Variants in CD276 observed in about 807,000 individuals in gnomAD.
CD276 encodes the protein CD276 antigen.
Under a neutral mutation model 50.0 loss-of-function variants are expected in CD276, and 34 were observed. The ratio of observed to expected loss-of-function variants is 0.68; its 90% CI spans 0.52 to 0.91. The LOEUF (loss-of-function observed/expected upper bound fraction) is 0.91. Among genes scored for constraint, CD276 ranks in the 40% least tolerant of loss-of-function variants. The pLI, the probability that CD276 is intolerant of heterozygous loss-of-function variation, is 0.00. For missense variants in CD276, 634 were observed against 717.5 expected (o/e 0.88, Z 1.33); for synonymous variants, 275 against 313.0 (o/e 0.88, Z 1.28).
At chr15:73,696,655 G>A (rs2141550922) in intron 1 of CD276, among the ~76,000 whole-genome samples, 1 of 152,296 alleles carries the variant, frequency 6.6e-6, no homozygotes, top group Non-Finnish European at 1.5e-5. Flanking sequence ...GTCTGATCAG[G>A]GGAGGTGCCC....
chr15:73,704,388 G>T lies in CD276; in HGVS notation c.1285G>T (p.Val429Leu). The change falls in exon 6 of 10, where the codon GTG (valine) becomes TTG (leucine). Residue 429 changes from valine to leucine, a missense_variant. Physicochemically the swap from Val to Leu is conservative, Grantham distance 32. Transcript: ENST00000318443. This position sits in a 1 kb window ranked among gnomAD's most constrained non-coding sequence, Gnocchi z 4.1. ...TGATGTGCACAGCGTCCTGCGGGTG[G>T]TGCTGGGTGCGAATGGCACCTACAG... ...LFDVHSVLRV[V>L]LGANGTYSCL... is the part of the protein sequence containing the mutation. 6.2e-7 allele frequency: 1 copy of T among 1,614,118 alleles called. No homozygotes were observed. The highest frequency in any genetic ancestry group is 8.5e-7 in the Non-Finnish European group (1 of 1,180,052).
rs539251814 is a variant in CD276, at chr15:73,708,221, C to T, written c.1370-118C>T. Reference sequence around the variant, plus strand: ...TGTAGGAACTTAAGTGAGCTTTATTCATAGTGTTAGGGCCCAGTGAGGGTG... The same window carrying T: ...TGTAGGAACTTAAGTGAGCTTTATTTATAGTGTTAGGGCCCAGTGAGGGTG... On this transcript the variant is annotated intron_variant, in intron 6 of 9. Coordinates refer to ENST00000318443, the MANE Select transcript of CD276 (RefSeq NM_001024736.2). 44 of 1,081,604 alleles carry T rather than the reference C, an allele frequency of 4.1e-5. No homozygotes were observed. The East Asian group carries it at 1.0e-3, about 26-fold the overall frequency. 67.0% of individuals were successfully genotyped at this position (1,081,604 alleles called of 1,614,324 possible).
intron 1 of CD276, chr15:73,690,662 T>A: frequency 2.2e-6 from 1 of 455,890 alleles, no homozygotes; most frequent in Non-Finnish European, 4.4e-6. Flanking sequence ...ATCTCTTCAC[T>A]TCTTACAGGC....
chr15:73,712,618 A>G (rs1356591806), intron 9 of CD276, among the ~76,000 whole-genome samples: 1 of 152,176 alleles, frequency 6.6e-6, no homozygotes, highest in Non-Finnish European at 1.5e-5. Flanking sequence ...GACAAACAGG[A>G]GATGAGAAGG....
chr15:73,686,266 TC>T, intron 1 of CD276: 1 of 984,782 alleles, frequency 1.0e-6, no homozygotes, highest in Non-Finnish European at 1.2e-6. Context: ...TCCAGCTTAC[TC>T]TAGACTCCTG....
In CD276 at chr15:73,713,284, T is replaced by G. The variant is rs1358580772; in HGVS notation, c.*328T>G. 3 of 350,158 alleles carry G rather than the reference T, an allele frequency of 8.6e-6. No homozygotes were observed. The South Asian group carries it at 1.4e-4, about 16-fold the overall frequency. 21.7% of individuals were successfully genotyped at this position (350,158 alleles called of 1,614,324 possible). On this transcript the variant is annotated 3_prime_UTR_variant, in exon 10 of 10. Coordinates refer to ENST00000318443, the MANE Select transcript of CD276 (RefSeq NM_001024736.2). ...CACTGACCACATCACCACCCTCTTCTTCCAGTGCTGCGTGGACCATCTGGC... is the reference window on the plus strand; with the variant it reads ...CACTGACCACATCACCACCCTCTTCGTCCAGTGCTGCGTGGACCATCTGGC...
chr15:73,703,081 C>A lies in CD276; in HGVS notation c.728C>A (p.Pro243His). The part of the protein sequence containing the change: ...SSVTITPQRS[P>H]TGAVEVQVPE... Reference sequence around the variant, plus strand: ...GTCACCATCACACCCCAGAGAAGCCCCACAGGTTGCTTTGCTTAAATGTCC... The same window carrying A: ...GTCACCATCACACCCCAGAGAAGCCACACAGGTTGCTTTGCTTAAATGTCC... The change falls in exon 4 of 10, where the codon CCC (proline) becomes CAC (histidine). Residue 243 changes from proline to histidine, a missense_variant. Pro to His is a moderately conservative substitution (Grantham distance 77). Coordinates refer to ENST00000318443, the MANE Select transcript of CD276 (RefSeq NM_001024736.2). 1 of 1,592,514 alleles carries A rather than the reference C, an allele frequency of 6.3e-7. No homozygotes were observed. The highest frequency in any genetic ancestry group is 2.3e-5 in the East Asian group (1 of 43,774).
intron 1 of CD276, among the ~76,000 whole-genome samples, chr15:73,690,138 C>T (rs1899931627): frequency 6.6e-6 from 1 of 152,260 alleles, no homozygotes; most frequent in Admixed American, 6.5e-5. Flanking sequence ...ATCCATATAT[C>T]TATCCATCTC....
chr15:73,686,774 C>T (rs1360035282), intron 1 of CD276, among the ~76,000 whole-genome samples: 1 of 152,184 alleles, frequency 6.6e-6, no homozygotes. Context: ...CTTGGTTGCA[C>T]ATACGGGGTT....
intron 1 of CD276, among the ~76,000 whole-genome samples, chr15:73,691,619 G>T (rs547599265): frequency 3.9e-5 from 6 of 152,318 alleles, no homozygotes; most frequent in African/African-American, 1.4e-4. Flanking sequence ...AGCTCCACCA[G>T]TACAGCATGG....
At chr15:73,711,998 T>C (rs1900920332) in intron 9 of CD276, 1 of 151,850 alleles carries the variant, frequency 6.6e-6, no homozygotes, top group Admixed American at 6.6e-5. Context: ...CTACTAAAAA[T>C]ACAAAACTTA....
rs762416447 is a variant in CD276 at position 73,702,317 on chromosome 15, C to T, written c.142C>T (p.Leu48=). 10 of 1,613,294 alleles carry T rather than the reference C, an allele frequency of 6.2e-6. No homozygotes were observed. The highest frequency in any genetic ancestry group is 8.5e-6 in the Non-Finnish European group (10 of 1,179,992). Residue 48 remains leucine, a synonymous_variant, in exon 3 of 10, where the codon CTG becomes TTG. Coordinates refer to ENST00000318443, the MANE Select transcript of CD276 (RefSeq NM_001024736.2). ...GGCACTGGTGGGCACCGATGCCACC[C>T]TGTGCTGCTCCTTCTCCCCTGAGCC... ...VVALVGTDAT[L]CCSFSPEPGF... is the part of the protein sequence containing the mutation.
At chr15:73,703,116 A>G (rs928859594) in intron 4 of CD276, 30 bp downstream of exon 4, 1 of 1,542,908 alleles carries the variant, frequency 6.5e-7, no homozygotes, top group Admixed American at 2.0e-5. Flanking sequence ...CCCTTGGGGG[A>G]GGGGGGTTCT....
intron 1 of CD276, among the ~76,000 whole-genome samples, chr15:73,691,480 C>G (rs1388629654): frequency 9.2e-5 from 14 of 152,306 alleles, no homozygotes; most frequent in Middle Eastern, 3.4e-3. Context: ...CAGCAAGGCT[C>G]TGGGGAAGTC....
At position 73,702,761 on chromosome 15, in the gene CD276, G is replaced by A; in HGVS notation, c.419-11G>A. The A allele has an allele frequency of 3.7e-6, 6 of 1,606,522 alleles. No individual in the cohort carries two copies. The South Asian group carries it at 5.6e-5, about 15-fold the overall frequency. Reference sequence around the variant, plus strand: ...GCCCTGCCCTTGACCCCTGCCCTCTGTCACCTCCAGCTCCCTACTCGAAGC... The same window carrying A: ...GCCCTGCCCTTGACCCCTGCCCTCTATCACCTCCAGCTCCCTACTCGAAGC... On this transcript the variant is annotated splice_polypyrimidine_tract_variant and intron_variant, in intron 3 of 9. Coordinates refer to ENST00000318443, the MANE Select transcript of CD276 (RefSeq NM_001024736.2).
intron 1 of CD276, chr15:73,686,401 C>A: frequency 3.7e-6 from 2 of 534,302 alleles, no homozygotes; most frequent in Non-Finnish European, 4.8e-6. Context: ...TCTGTCCAGG[C>A]ACCACCCGAT....
intron 1 of CD276, chr15:73,686,385 T>A (rs1283413602): frequency 5.6e-6 from 4 of 717,782 alleles, no homozygotes; most frequent in Non-Finnish European, 6.8e-6. Flanking sequence ...CTGTCCCCTC[T>A]TCAGCTCTGT....
intron 3 of CD276, 67 bp downstream of exon 3, chr15:73,702,660 G>A: frequency 6.4e-7 from 1 of 1,558,146 alleles, no homozygotes; most frequent in Non-Finnish European, 8.7e-7. Flanking sequence ...CCCACCCCCT[G>A]CTGCACCACT....
chr15:73,691,886 C>A (rs1900001420), intron 1 of CD276, among the ~76,000 whole-genome samples: 2 of 152,122 alleles, frequency 1.3e-5, no homozygotes. Context: ...TCTTCTGGCC[C>A]CTGGGATTGC....
Sources: gnomAD v4.1 joint callset for allele counts (sites outside exome capture counted in the v4.1 genomes callset) on GRCh38, gnomAD v4.1.1 for gene constraint, Gnocchi (gnomAD v3.1) non-coding constraint, MANE v1.5 for transcripts, NCBI Gene and HGNC (gene_info 2026-07-23, HGNC 2026-07-21) for gene names.